KANSL1: variants seen among roughly 807,000 people sequenced by gnomAD.
KANSL1 encodes MLL1/MLL complex subunit KANSL1.
A neutral mutation model predicts 103.6 loss-of-function variants in KANSL1; 22 were observed. The ratio of observed to expected loss-of-function variants is 0.21; its 90% CI spans 0.15 to 0.30. The LOEUF (loss-of-function observed/expected upper bound fraction) is 0.30. KANSL1 is among the 10% of genes least tolerant of loss of function. The pLI, the probability that KANSL1 is intolerant of heterozygous loss-of-function variation, is 1.00. For synonymous variants in KANSL1, 600 were observed against 527.6 expected (o/e 1.14, Z -1.88); for missense variants, 1,337 against 1,399.8 (o/e 0.96, Z 0.72).
chr17:46,171,805 G>A lies in KANSL1; in HGVS notation c.339C>T (p.Leu113=), dbSNP rs1289061435. 2 of 1,613,976 alleles carry A rather than the reference G, an allele frequency of 1.2e-6. No homozygotes were observed. The highest frequency in any genetic ancestry group is 1.7e-6 in the Non-Finnish European group (2 of 1,179,966). ...SKQTVLKSHP[L]LSQSYELRAE... is the part of the protein sequence containing the mutation. ...CTCGGAGTTCATAGGACTGAGATAA[G>A]AGAGGATGAGATTTAAGGACTGTCT... is the stretch of plus-strand genomic sequence containing the variant. The change falls in exon 2 of 15, where the codon CTC becomes CTT. Residue 113 remains leucine (L), a synonymous_variant. Transcript: ENST00000432791.
intron 1 of KANSL1, among the ~76,000 whole-genome samples, chr17:46,187,440 G>C (rs2047084686): frequency 1.3e-5 from 2 of 152,180 alleles, no homozygotes; most frequent in African/African-American, 4.8e-5. Flanking sequence ...CCTGGTTCAG[G>C]TTACAAGAAC....
intron 3 of KANSL1, among the ~76,000 whole-genome samples, chr17:46,084,279 G>C (rs1245022642): frequency 6.6e-6 from 1 of 152,108 alleles, no homozygotes; most frequent in African/African-American, 2.4e-5. Context: ...CTACTCGGAA[G>C]GCTGAAGAAG....
intron 1 of KANSL1, among the ~76,000 whole-genome samples, chr17:46,202,562 T>C (rs2047838620): frequency 6.6e-6 from 1 of 152,228 alleles, no homozygotes; most frequent in Admixed American, 6.5e-5. Flanking sequence ...CCCCTGAATG[T>C]AATCCTTCCA....
chr17:46,211,309 T>G (rs972556988), intron 1 of KANSL1, among the ~76,000 whole-genome samples: 1 of 151,392 alleles, frequency 6.6e-6, no homozygotes, highest in Non-Finnish European at 1.5e-5. Context: ...CCCAATCGTT[T>G]GGCTTCCCTG....
At chr17:46,155,961 C>G (rs899730146) in intron 2 of KANSL1, among the ~76,000 whole-genome samples, 1 of 152,176 alleles carries the variant, frequency 6.6e-6, no homozygotes, top group Non-Finnish European at 1.5e-5. Flanking sequence ...TAAGAACAAT[C>G]CTTTCTTGTG....
intron 2 of KANSL1, among the ~76,000 whole-genome samples, chr17:46,125,477 C>A (rs951372432): frequency 1.3e-5 from 2 of 152,160 alleles, no homozygotes; most frequent in Non-Finnish European, 2.9e-5. Flanking sequence ...TGAGGTATGG[C>A]TGTATTTTCA....
intron 1 of KANSL1, among the ~76,000 whole-genome samples, chr17:46,179,892 A>G (rs2046700291): frequency 6.6e-6 from 1 of 151,446 alleles, no homozygotes; most frequent in Admixed American, 6.6e-5. Flanking sequence ...GCGAAACCCC[A>G]TCTCTACTAA....
chr17:46,050,390 G>T, intron 7 of KANSL1, 143 bp downstream of exon 7: 1 of 799,006 alleles, frequency 1.3e-6, no homozygotes, highest in Non-Finnish European at 1.9e-6. Context: ...CAGTCTTTTT[G>T]CAAAATTCTA....
chr17:46,036,222 G>C (rs73317044), intron 10 of KANSL1, among the ~76,000 whole-genome samples: 4,662 of 152,232 alleles, frequency 0.031, 264 homozygotes, highest in African/African-American at 0.11. Flanking sequence ...CAGATCTTTA[G>C]AAGTGTCTGG....
At chr17:46,196,279 A>G (rs1360494723), upstream of KANSL1, 1 of 446,162 alleles carries the variant, frequency 2.2e-6, no homozygotes. Context: ...ACATATTTCA[A>G]ATCACTCTTG....
At chr17:46,120,818 A>C (rs1248035666) in intron 2 of KANSL1, among the ~76,000 whole-genome samples, 1 of 152,222 alleles carries the variant, frequency 6.6e-6, no homozygotes, top group Non-Finnish European at 1.5e-5. Flanking sequence ...TAAAACATGT[A>C]CTTACCACGA....
intron 4 of KANSL1, among the ~76,000 whole-genome samples, chr17:46,072,753 C>G (rs879849798): frequency 2.6e-5 from 4 of 152,108 alleles, no homozygotes; most frequent in Non-Finnish European, 5.9e-5. Context: ...CACTTTCCGG[C>G]TTCTGCAGGT....
chr17:46,164,230 C>A (rs1197560489), intron 2 of KANSL1, among the ~76,000 whole-genome samples: 1 of 152,238 alleles, frequency 6.6e-6, no homozygotes. Flanking sequence ...CACAAGGTGG[C>A]AGAAAACACT....
At chr17:46,040,122 T>C (rs1434372572) in intron 7 of KANSL1, 7 of 436,258 alleles carry the variant, frequency 1.6e-5, no homozygotes, top group Non-Finnish European at 2.4e-5. Flanking sequence ...GACACCTTTT[T>C]GGTTTGGTTG....
chr17:46,152,177 G>C (rs1383204637), intron 2 of KANSL1, among the ~76,000 whole-genome samples: 1 of 152,172 alleles, frequency 6.6e-6, no homozygotes, highest in Non-Finnish European at 1.5e-5. Context: ...TGGCATTGCT[G>C]GCAAACAGAT....
intron 2 of KANSL1, among the ~76,000 whole-genome samples, chr17:46,126,604 T>G (rs2043570731): frequency 6.6e-6 from 1 of 152,226 alleles, no homozygotes; most frequent in African/African-American, 2.4e-5. Context: ...ATGAAATTTT[T>G]TTTTCTTAAT....
chr17:46,166,345 C>G lies in KANSL1; in HGVS notation c.1289+4510G>C, dbSNP rs373699484. Among the ~76,000 whole-genome samples the G allele has an allele frequency of 1.1e-4, 17 of 152,182 alleles. No homozygotes were observed. In the Middle Eastern group the frequency reaches 0.01, roughly 92 times the overall value. On this transcript the variant is annotated intron_variant, in intron 2 of 14. Transcript: ENST00000432791. ...TGAGCAACATGGCAAAACCCTGCCT[C>G]TACTAAAAGTACAAAAATTAGCCGG... is the stretch of plus-strand genomic sequence containing the variant.
intron 2 of KANSL1, among the ~76,000 whole-genome samples, chr17:46,138,810 G>C (rs879753206): frequency 1.3e-5 from 2 of 152,228 alleles, no homozygotes; most frequent in African/African-American, 2.4e-5. Flanking sequence ...GGAGTCAAAG[G>C]ATCATCACTG....
chr17:46,154,457 T>C lies in KANSL1; in HGVS notation c.1289+16398A>G, dbSNP rs369699247. ...ACAACATCTAGCTCATTTCTTGTGGTTTATTGTACAGATGGGCGTCACCAC... is the reference window on the plus strand; with the variant it reads ...ACAACATCTAGCTCATTTCTTGTGGCTTATTGTACAGATGGGCGTCACCAC... On this transcript the variant is annotated intron_variant, in intron 2 of 14. Coordinates refer to ENST00000432791, the MANE Select transcript of KANSL1 (RefSeq NM_015443.4). Among the ~76,000 whole-genome samples the C allele has an allele frequency of 4.6e-5, 7 of 152,304 alleles. No homozygotes were observed. In the South Asian group the frequency reaches 1.4e-3, roughly 32 times the overall value.
Sources: allele counts gnomAD v4.1 joint callset (sites outside exome capture counted in the v4.1 genomes callset), GRCh38; gene constraint gnomAD v4.1.1; transcripts MANE v1.5; gene names NCBI Gene and HGNC (gene_info 2026-07-23, HGNC 2026-07-21).